The following AP3S1 variants were observed in gnomAD, a reference collection of about 807,000 sequenced individuals.
The protein encoded by AP3S1 is adaptor related protein complex 3 subunit sigma 1.
AP3S1 carries 12 observed loss-of-function variants against 21.3 expected under a neutral mutation model. The observed-to-expected ratio is 0.56, with a 90% confidence interval of 0.36 to 0.91. The LOEUF (loss-of-function observed/expected upper bound fraction) is 0.91. Among genes scored for constraint, AP3S1 ranks in the 40% least tolerant of loss-of-function variants. AP3S1 has a pLI of 0.01. For missense variants in AP3S1, 116 were observed against 225.0 expected (o/e 0.52, Z 3.10); for synonymous variants, 48 against 78.4 (o/e 0.61, Z 2.05).
chr5:115,864,639 A>G (rs1763471440), intron 1 of AP3S1, among the ~76,000 whole-genome samples: 1 of 152,254 alleles, frequency 6.6e-6, no homozygotes, highest in Non-Finnish European at 1.5e-5. Context: ...TATGTTGAGC[A>G]TGACTTCACA....
rs148943366 is a variant in AP3S1, at chr5:115,904,443, T to G, written c.453+1451T>G. On this transcript the variant is annotated intron_variant, in intron 5 of 5. Transcript: ENST00000316788. ...AACAGTTGAAGCTTATAAAACATTT[T>G]CCAGTGTTCTCTTTTAAATTTAAAA... is the stretch of plus-strand genomic sequence containing the variant. Among the ~76,000 whole-genome samples the G allele has an allele frequency of 5.0e-3, 766 of 152,334 alleles. 28 individuals carry two copies. Among genetic ancestry groups the G allele is most frequent in the Admixed American group, 0.041 (632 of 15,312 alleles).
intron 1 of AP3S1, among the ~76,000 whole-genome samples, chr5:115,861,853 T>C (rs971978921): frequency 1.3e-3 from 177 of 140,402 alleles, no homozygotes; most frequent in Middle Eastern, 3.8e-3. Flanking sequence ...GGCCAAAATT[T>C]TCTTTTCTTT....
At chr5:115,861,056 G>A (rs1763140016) in intron 1 of AP3S1, among the ~76,000 whole-genome samples, 1 of 152,178 alleles carries the variant, frequency 6.6e-6, no homozygotes, top group South Asian at 2.1e-4. Context: ...TCAGGTTCCG[G>A]TGTTAGAATT....
At chr5:115,900,333 A>T (rs1170349125) in intron 4 of AP3S1, among the ~76,000 whole-genome samples, 2 of 152,210 alleles carry the variant, frequency 1.3e-5, no homozygotes, top group Non-Finnish European at 2.9e-5. Context: ...AGTTGCAGAC[A>T]TTATTTTCTA....
intron 5 of AP3S1, chr5:115,908,959 G>T: frequency 3.1e-6 from 3 of 981,608 alleles, no homozygotes; most frequent in Non-Finnish European, 3.6e-6. Flanking sequence ...TAATGTTGGT[G>T]TTCTTTCACT....
At chr5:115,889,379 C>T (rs928506821) in intron 3 of AP3S1, among the ~76,000 whole-genome samples, 2 of 152,162 alleles carry the variant, frequency 1.3e-5, no homozygotes, top group African/African-American at 4.8e-5. Flanking sequence ...AGTAAGACCA[C>T]TCCACGTCAT....
chr5:115,886,941 AT>A (rs1256407760), intron 3 of AP3S1, among the ~76,000 whole-genome samples: 1 of 152,170 alleles, frequency 6.6e-6, no homozygotes, highest in African/African-American at 2.4e-5. Flanking sequence ...TTTTGCTAAC[AT>A]TGTCATCACT....
Position 115,901,942 on chromosome 5 carries a change from G to A in AP3S1, c.346-943G>A, listed in dbSNP as rs191682419. On this transcript the variant is annotated intron_variant, in intron 4 of 5. Transcript: ENST00000316788. ...AGAGTTTGTTGAAAAAAAAATTACC[G>A]TATAATACCTAGTGGTTCTATGCTA... 3.7e-4 allele frequency among the ~76,000 whole-genome samples: 56 copies of A among 152,024 alleles called. No homozygotes were observed. The East Asian group carries it at 8.9e-3, about 24-fold the overall frequency.
chr5:115,891,007 CA>C (rs1561513439), intron 3 of AP3S1, among the ~76,000 whole-genome samples: 1 of 152,144 alleles, frequency 6.6e-6, no homozygotes, highest in Non-Finnish European at 1.5e-5. Flanking sequence ...AGCATTACCC[CA>C]TTCAGTCCTC....
intron 1 of AP3S1, among the ~76,000 whole-genome samples, chr5:115,847,034 A>G (rs912075287): frequency 1.3e-5 from 2 of 152,178 alleles, no homozygotes; most frequent in African/African-American, 4.8e-5. Flanking sequence ...ACTCATCACA[A>G]AATTACTATT....
At chr5:115,869,839 T>C (rs1748069942) in intron 2 of AP3S1, among the ~76,000 whole-genome samples, 178 bp from the exon 3 acceptor site, 2 of 152,242 alleles carry the variant, frequency 1.3e-5, no homozygotes, top group Non-Finnish European at 2.9e-5. Context: ...TTGATGTTTC[T>C]GAAGAAAACA....
At chr5:115,908,997 G>A in intron 5 of AP3S1, 1 of 984,238 alleles carries the variant, frequency 1.0e-6, no homozygotes, top group Non-Finnish European at 1.2e-6. Flanking sequence ...TTATGAATGT[G>A]CATATAGCAA....
At chr5:115,899,174 G>A (rs558442446) in intron 4 of AP3S1, among the ~76,000 whole-genome samples, 2 of 152,206 alleles carry the variant, frequency 1.3e-5, no homozygotes, top group Admixed American at 1.3e-4. Flanking sequence ...AGACTTAAGA[G>A]CAGAGTGCTT....
intron 5 of AP3S1, chr5:115,903,885 T>A (rs1335883653): frequency 2.6e-5 from 4 of 152,062 alleles, no homozygotes; most frequent in Non-Finnish European, 5.9e-5. Flanking sequence ...CTGGCCAACA[T>A]GGTGAAACCC....
intron 4 of AP3S1, among the ~76,000 whole-genome samples, chr5:115,897,769 AGCCAGGATGGTCTCGATCTCCTG>A (rs1422654029): frequency 1.3e-5 from 2 of 151,922 alleles, no homozygotes; most frequent in Non-Finnish European, 2.9e-5. Flanking sequence ...TCACGGTGTT[AGCCAGGATGGTCTCGATCTCCTG>A]ACCTCGTGAT....
At chr5:115,848,420 A>G (rs1006890336) in intron 1 of AP3S1, among the ~76,000 whole-genome samples, 1 of 152,230 alleles carries the variant, frequency 6.6e-6, no homozygotes, top group Non-Finnish European at 1.5e-5. Context: ...GAATATGTTA[A>G]TGTTCAGCCA....
intron 1 of AP3S1, among the ~76,000 whole-genome samples, chr5:115,848,524 T>A (rs573265727): frequency 6.6e-6 from 1 of 152,362 alleles, no homozygotes; most frequent in South Asian, 2.1e-4. Context: ...TTCTTTTGTA[T>A]AAAATTAAAC....
At chr5:115,865,560 C>A (rs1425860183) in intron 1 of AP3S1, among the ~76,000 whole-genome samples, 1 of 152,152 alleles carries the variant, frequency 6.6e-6, no homozygotes, top group Non-Finnish European at 1.5e-5. Context: ...TACCCTCCCA[C>A]TGGTGAGATG....
chr5:115,895,893 T>A (rs1271308331), intron 4 of AP3S1, among the ~76,000 whole-genome samples: 2 of 152,220 alleles, frequency 1.3e-5, no homozygotes, highest in African/African-American at 4.8e-5. Context: ...ATTTGATGGC[T>A]TATTGAAAGC....
Sources: gnomAD v4.1 joint callset for allele counts (sites outside exome capture counted in the v4.1 genomes callset) on GRCh38, gnomAD v4.1.1 for gene constraint, MANE v1.5 for transcripts, NCBI Gene and HGNC (gene_info 2026-07-23, HGNC 2026-07-21) for gene names.